Variants in EFCAB6 observed in about 807,000 individuals in gnomAD.
EFCAB6 encodes the protein EF-hand calcium binding domain 6, also known as EF-hand calcium-binding domain-containing protein 6.
EFCAB6 carries 156 observed loss-of-function variants against 169.8 expected under a neutral mutation model. The observed-to-expected ratio is 0.92, with a 90% CI of 0.81 to 1.05. EFCAB6 has a LOEUF of 1.05. Ranked by LOEUF, EFCAB6 falls within the 50% of genes least tolerant of loss-of-function variation. The pLI is 0.00. For synonymous variants in EFCAB6, 698 were observed against 676.4 expected, an observed-to-expected ratio of 1.03 and a Z score of -0.50; for missense variants, 1,800 against 1,829.1, an observed-to-expected ratio of 0.98 and a Z score of 0.29.
chr22:43,773,203 G>C, intron 3 of EFCAB6, 100 bp from the exon 4 acceptor site: 1 of 1,159,790 alleles, frequency 8.6e-7, no homozygotes, highest in Non-Finnish European at 1.2e-6. Flanking sequence ...CTTATTAGAT[G>C]GTATTTCTCC....
In EFCAB6 at chr22:43,540,171, T is replaced by C; in HGVS notation, c.3835A>G (p.Thr1279Ala). ...EGTRSALSLP[T>A]QELRPGSKSQ... ...TTTGACCCTGGTCTCAGCTCCTGAGTGGGCAATGAGAGGGCAGATCTGGTG... is the reference window on the plus strand; with the variant it reads ...TTTGACCCTGGTCTCAGCTCCTGAGCGGGCAATGAGAGGGCAGATCTGGTG... Residue 1279 changes from threonine (T) to alanine (A), a missense_variant, in exon 28 of 32, where the codon ACT becomes GCT. Physicochemically the swap from Thr to Ala is moderately conservative, Grantham distance 58 (BLOSUM62 0). Transcript: ENST00000262726. 1 of 1,614,118 alleles carries C rather than the reference T, an allele frequency of 6.2e-7. No individual in the cohort carries two copies. Among genetic ancestry groups the C allele is most frequent in the Non-Finnish European group, 8.5e-7 (1 of 1,179,996 alleles).
At chr22:43,571,228 C>T (rs1376012402) in intron 26 of EFCAB6, among the ~76,000 whole-genome samples, 1 of 152,172 alleles carries the variant, frequency 6.6e-6, no homozygotes, top group Non-Finnish European at 1.5e-5. Flanking sequence ...TCTTTACTCT[C>T]TGTGTGCTTT....
chr22:43,547,868 G>A (rs371602761), intron 27 of EFCAB6, among the ~76,000 whole-genome samples: 2 of 152,164 alleles, frequency 1.3e-5, no homozygotes, highest in East Asian at 3.9e-4. Flanking sequence ...GAGGCGGGTA[G>A]ATCACGAGGT....
intron 17 of EFCAB6, among the ~76,000 whole-genome samples, chr22:43,639,584 C>T (rs935631188): frequency 1.3e-5 from 2 of 152,058 alleles, no homozygotes; most frequent in African/African-American, 4.8e-5. Context: ...TTTAAGATTT[C>T]TCTCTTTGAT....
At chr22:43,674,232 TG>T (rs1356986081) in intron 13 of EFCAB6, among the ~76,000 whole-genome samples, 1 of 152,254 alleles carries the variant, frequency 6.6e-6, no homozygotes, top group Non-Finnish European at 1.5e-5. Flanking sequence ...TTTCGCCTAT[TG>T]CACATCTATG....
intron 18 of EFCAB6, 44 bp from the exon 19 acceptor site, chr22:43,632,282 G>C: frequency 1.4e-6 from 2 of 1,427,376 alleles, no homozygotes; most frequent in Non-Finnish European, 1.9e-6. Flanking sequence ...GTGCCCATCA[G>C]CTTCATTCCT....
chr22:43,566,812 G>C (rs1410707302), intron 26 of EFCAB6, among the ~76,000 whole-genome samples: 1 of 151,848 alleles, frequency 6.6e-6, no homozygotes, highest in African/African-American at 2.4e-5. Context: ...CTCATGTTTT[G>C]AGACGCCCAC....
At chr22:43,560,334 G>A (rs78233650) in intron 26 of EFCAB6, among the ~76,000 whole-genome samples, 3,163 of 152,300 alleles carry the variant, frequency 0.021, 114 homozygotes, top group African/African-American at 0.073. Context: ...AGATATTAAA[G>A]TTGCCATGAA....
At chr22:43,553,309 G>T (rs2048495178) in intron 27 of EFCAB6, 1 of 152,300 alleles carries the variant, frequency 6.6e-6, no homozygotes, top group African/African-American at 2.4e-5. Flanking sequence ...AGGCAGAGTT[G>T]CTTTGTTAAG....
At chr22:43,718,438 A>G (rs929136816) in intron 8 of EFCAB6, among the ~76,000 whole-genome samples, 16 of 151,562 alleles carry the variant, frequency 1.1e-4, no homozygotes, top group African/African-American at 2.9e-4. Flanking sequence ...GAAAGGGGAG[A>G]AAAAAAAAGA....
intron 4 of EFCAB6, among the ~76,000 whole-genome samples, chr22:43,770,240 G>C (rs1603351681): frequency 6.6e-6 from 1 of 152,064 alleles, no homozygotes; most frequent in Admixed American, 6.6e-5. Flanking sequence ...TGGCTCAAAT[G>C]ATGCTCCCAC....
intron 26 of EFCAB6, among the ~76,000 whole-genome samples, chr22:43,555,327 G>A (rs985355814): frequency 4.6e-5 from 7 of 152,226 alleles, no homozygotes; most frequent in Admixed American, 4.6e-4. Flanking sequence ...TCCCCATGGG[G>A]CAGAGCAGTG....
chr22:43,582,322 T>C (rs1379738750), intron 24 of EFCAB6, among the ~76,000 whole-genome samples: 2 of 148,676 alleles, frequency 1.3e-5, no homozygotes, highest in Admixed American at 1.4e-4. Flanking sequence ...GATGAAATGG[T>C]CCTTCCTTTC....
At chr22:43,740,761 C>T (rs2060339169) in intron 6 of EFCAB6, among the ~76,000 whole-genome samples, 1 of 152,204 alleles carries the variant, frequency 6.6e-6, no homozygotes, top group Non-Finnish European at 1.5e-5. Context: ...CACTCCACCG[C>T]TCTGCCTGAA....
chr22:43,640,382 G>A (rs1488351865), intron 17 of EFCAB6, among the ~76,000 whole-genome samples: 3 of 152,226 alleles, frequency 2.0e-5, no homozygotes, highest in Non-Finnish European at 4.4e-5. Flanking sequence ...AAAAGTTTGA[G>A]TGTGTTGGGC....
intron 2 of EFCAB6, among the ~76,000 whole-genome samples, chr22:43,803,273 C>T (rs951848684): frequency 6.6e-6 from 1 of 152,154 alleles, no homozygotes; most frequent in African/African-American, 2.4e-5. Flanking sequence ...GATCTTTAGA[C>T]AAATTCTCCC....
intron 30 of EFCAB6, among the ~76,000 whole-genome samples, chr22:43,531,653 G>A (rs1013399553): frequency 1.3e-5 from 2 of 152,200 alleles, no homozygotes; most frequent in Non-Finnish European, 2.9e-5. Context: ...AGACAGATGA[G>A]CACAGGGTTA....
chr22:43,578,866 G>A (rs768501509), intron 25 of EFCAB6, among the ~76,000 whole-genome samples: 9 of 141,688 alleles, frequency 6.4e-5, no homozygotes, highest in South Asian at 2.4e-4. Flanking sequence ...TTCCCTACAC[G>A]CAGGCATCAT....
chr22:43,562,488 A>T (rs976493733), intron 26 of EFCAB6, among the ~76,000 whole-genome samples: 1 of 140,974 alleles, frequency 7.1e-6, no homozygotes, highest in African/African-American at 2.5e-5. Context: ...GGCTGCCCCA[A>T]CGCCACAAGT....
Sources: allele counts gnomAD v4.1 joint callset (sites outside exome capture counted in the v4.1 genomes callset), GRCh38; gene constraint gnomAD v4.1.1; transcripts MANE v1.5; gene names NCBI Gene and HGNC (gene_info 2026-07-23, HGNC 2026-07-21).